Variants in SF3B1 observed in about 807,000 individuals in gnomAD.
The protein encoded by SF3B1 is pre-mRNA processing 10.
A neutral mutation model predicts 153.8 loss-of-function variants in SF3B1; 12 were observed. The ratio of observed to expected loss-of-function variants is 0.08; its 90% CI spans 0.05 to 0.13. The LOEUF (loss-of-function observed/expected upper bound fraction) is 0.13, where lower values mean the gene tolerates loss of function less well. Among genes scored for constraint, SF3B1 ranks in the 10% least tolerant of loss-of-function variants. The probability of loss-of-function intolerance (pLI) is 1.00; values close to 1 mark genes in which losing one functional copy is unlikely to be tolerated. For missense variants in SF3B1, 513 were observed against 1,606.1 expected (o/e 0.32, Z 11.63); for synonymous variants, 498 against 525.2 (o/e 0.95, Z 0.71).
At position 197,413,479 on chromosome 2, in the gene SF3B1, T is replaced by G. The variant is rs566436803; in HGVS notation, c.666+3262A>C. On this transcript the variant is annotated intron_variant, in intron 6 of 24. Coordinates refer to ENST00000335508, the MANE Select transcript of SF3B1 (RefSeq NM_012433.4). ...AACAGAACCAAATCCCTCCTACATA[T>G]AACCAAGCAAATGAGAAGTCCTCAC... Among the ~76,000 whole-genome samples the G allele has an allele frequency of 6.6e-5, 10 of 152,268 alleles. No individual in the cohort carries two copies. The South Asian group carries it at 2.1e-3, about 32-fold the overall frequency.
intron 20 of SF3B1, chr2:197,399,025 G>A (rs756963849): frequency 3.9e-5 from 51 of 1,294,326 alleles, no homozygotes; most frequent in Non-Finnish European, 5.1e-5. Flanking sequence ...GGCATACTTG[G>A]ATGGTATTTA....
intron 23 of SF3B1, among the ~76,000 whole-genome samples, chr2:197,395,599 A>C (rs2084867056): frequency 6.6e-6 from 1 of 152,220 alleles, no homozygotes; most frequent in African/African-American, 2.4e-5. Flanking sequence ...TCACCATCTG[A>C]AACACCAGGG....
intron 6 of SF3B1, among the ~76,000 whole-genome samples, chr2:197,410,450 TTTAA>T (rs1297310874): frequency 6.6e-6 from 1 of 152,128 alleles, no homozygotes; most frequent in Non-Finnish European, 1.5e-5. Context: ...TGATGTTTTG[TTTAA>T]TTGTGTGTGT....
intron 9 of SF3B1, among the ~76,000 whole-genome samples, chr2:197,406,280 ACTT>A (rs1351569895): frequency 6.6e-6 from 1 of 151,778 alleles, no homozygotes; most frequent in Non-Finnish European, 1.5e-5. Context: ...AAAAAATACA[ACTT>A]CTTGGAGAGG....
intron 9 of SF3B1, among the ~76,000 whole-genome samples, chr2:197,406,644 G>C (rs1009071877): frequency 6.6e-6 from 1 of 152,220 alleles, no homozygotes; most frequent in African/African-American, 2.4e-5. Context: ...CTACGACTGA[G>C]AAAGACATGC....
intron 5 of SF3B1, among the ~76,000 whole-genome samples, chr2:197,417,480 G>A (rs2085165702): frequency 6.7e-6 from 1 of 149,396 alleles, no homozygotes; most frequent in South Asian, 2.1e-4. Flanking sequence ...GCTCACACCT[G>A]TAATCCCAGC....
chr2:197,427,967 G>A (rs1045278812), intron 1 of SF3B1, among the ~76,000 whole-genome samples: 5 of 151,924 alleles, frequency 3.3e-5, no homozygotes, highest in South Asian at 2.1e-4. Flanking sequence ...GCAGTGAGCC[G>A]AGATCGCACC....
chr2:197,415,458 G>A (rs184844014), intron 6 of SF3B1, among the ~76,000 whole-genome samples: 52 of 152,018 alleles, frequency 3.4e-4, no homozygotes, highest in African/African-American at 1.2e-4. Context: ...GTTTCACTAC[G>A]TTGGCCAGGC....
chr2:197,401,660 T>G lies in SF3B1; in HGVS notation c.2370+82A>C. 6.6e-7 allele frequency: 1 copy of G among 1,508,514 alleles called. No individual in the cohort carries two copies. The highest frequency in any genetic ancestry group is 9.0e-7 in the Non-Finnish European group (1 of 1,109,044). The allele number at this position is 1,508,514 out of a possible 1,614,324, so 93.4% of individuals were successfully genotyped here. ...TATTCGTGTAACATACAGTTTTTTT[T>G]GTTGATTTTTAAAAACACTTTAAAA... is the stretch of plus-strand genomic sequence containing the variant. On this transcript the variant is annotated intron_variant, in intron 16 of 24. Coordinates refer to ENST00000335508, the MANE Select transcript of SF3B1 (RefSeq NM_012433.4). The surrounding 1 kb of genome is among the most constrained non-coding windows in gnomAD (Gnocchi z 4.2).
intron 1 of SF3B1, among the ~76,000 whole-genome samples, chr2:197,434,061 T>C (rs1020891129): frequency 3.3e-5 from 5 of 152,182 alleles, no homozygotes; most frequent in Non-Finnish European, 7.3e-5. Context: ...CTCTTACCTC[T>C]CACAGACTAA....
At chr2:197,420,582 A>G (rs1479851362) in intron 3 of SF3B1, 40 bp from the exon 4 acceptor site, 2 of 1,338,382 alleles carry the variant, frequency 1.5e-6, no homozygotes, top group Non-Finnish European at 2.1e-6. Context: ...CACTTTATTA[A>G]AATAACAAAA....
In SF3B1 at chr2:197,400,967, T is replaced by C. The variant is rs1435224726; in HGVS notation, c.2497-31A>G. 1 of 1,398,252 alleles carries C rather than the reference T, an allele frequency of 7.2e-7. No individual in the cohort carries two copies. The highest frequency in any genetic ancestry group is 1.0e-6 in the Non-Finnish European group (1 of 998,014). 86.6% of individuals were successfully genotyped at this position (1,398,252 alleles called of 1,614,324 possible). Reference sequence around the variant, plus strand: ...AAGAACAGAAAAACAAAAAACCTTTTAGACTGCTTTTCCAAGGAAATAAAG... The same window carrying C: ...AAGAACAGAAAAACAAAAAACCTTTCAGACTGCTTTTCCAAGGAAATAAAG... On this transcript the variant is annotated intron_variant, in intron 17 of 24. Coordinates refer to ENST00000335508, the MANE Select transcript of SF3B1 (RefSeq NM_012433.4). The surrounding 1 kb of genome is among the most constrained non-coding windows in gnomAD (Gnocchi z 5.0).
rs982075338 is a variant in SF3B1, at chr2:197,391,039, A to G, written c.*1264T>C. The stretch of plus-strand genomic sequence containing the variant: ...TTAGAGTTCACAGAAGTACTACCAC[A>G]TGGAGACAAAACAAAACAGTAAAAA... On this transcript the variant is annotated 3_prime_UTR_variant, in exon 25 of 25. Coordinates refer to ENST00000335508, the MANE Select transcript of SF3B1 (RefSeq NM_012433.4). The G allele has an allele frequency of 3.9e-5, 6 of 152,188 alleles. No homozygotes were observed. The highest frequency in any genetic ancestry group is 8.8e-5 in the Non-Finnish European group (6 of 68,040). The allele number at this position is 152,188 out of a possible 1,614,324, so 9.4% of individuals were successfully genotyped here.
chr2:197,408,613 T>C (rs1287478725), intron 7 of SF3B1, 32 bp from the exon 8 acceptor site: 1 of 1,317,746 alleles, frequency 7.6e-7, no homozygotes, highest in Non-Finnish European at 1.1e-6. Flanking sequence ...AAAACCACAA[T>C]TTTAATCACT....
chr2:197,405,217 G>A, intron 10 of SF3B1, 40 bp from the exon 11 acceptor site: 2 of 1,594,846 alleles, frequency 1.3e-6, no homozygotes, highest in Non-Finnish European at 1.7e-6. Context: ...AAGTTGAAAT[G>A]TTATGATTTA....
rs1343939554 is a variant in SF3B1, at chr2:197,390,612, T to TA, written c.*1690_*1691insT. 6.9e-6 allele frequency: 1 copy of TA among 144,852 alleles called. No homozygotes were observed. Among genetic ancestry groups the TA allele is most frequent in the African/African-American group, 2.7e-5 (1 of 36,404 alleles). The allele number at this position is 144,852 out of a possible 1,614,324, so 9.0% of individuals were successfully genotyped here. ...CACTATCAATTTGTTGAAAGTCAAT[T>TA]TTTTTTTTTTTTTTGAGACGGAGTC... On this transcript the variant is annotated 3_prime_UTR_variant, in exon 25 of 25. Transcript: ENST00000335508.
At chr2:197,423,742 A>G (rs1431239608) in intron 2 of SF3B1, 66 bp downstream of exon 2, 2 of 1,516,362 alleles carry the variant, frequency 1.3e-6, no homozygotes, top group Non-Finnish European at 1.8e-6. Flanking sequence ...GGCTGCAACA[A>G]AAGTTATTCA....
chr2:197,416,260 A>G (rs2085147537), intron 6 of SF3B1, among the ~76,000 whole-genome samples: 1 of 152,076 alleles, frequency 6.6e-6, no homozygotes, highest in Non-Finnish European at 1.5e-5. Flanking sequence ...ATCATACTCA[A>G]CCTCCACAAT....
intron 6 of SF3B1, 107 bp from the exon 7 acceptor site, chr2:197,410,114 A>G (rs2085046150): frequency 1.5e-6 from 1 of 681,958 alleles, no homozygotes; most frequent in Non-Finnish European, 2.5e-6. Context: ...TCTATGCACT[A>G]TAATTAATGA....
Sources: gnomAD v4.1 joint callset for allele counts (sites outside exome capture counted in the v4.1 genomes callset) on GRCh38, gnomAD v4.1.1 for gene constraint, Gnocchi (gnomAD v3.1) non-coding constraint, MANE v1.5 for transcripts, NCBI Gene and HGNC (gene_info 2026-07-23, HGNC 2026-07-21) for gene names.